TASOR2: variants seen among roughly 807,000 people sequenced by gnomAD.
TASOR2 encodes protein TASOR 2.
In TASOR2, 84 loss-of-function variants were observed where a neutral mutation model predicts 199.5. That is an observed-to-expected ratio of 0.42 (90% confidence interval 0.35 to 0.50). TASOR2 has a LOEUF of 0.50. Among genes scored for constraint, TASOR2 ranks in the 20% least tolerant of loss-of-function variants. The pLI is 0.02. For synonymous variants in TASOR2, 1,103 were observed against 1,046.6 expected, an observed-to-expected ratio of 1.05 and a Z score of -1.04; for missense variants, 2,796 against 2,835.9, an observed-to-expected ratio of 0.99 and a Z score of 0.32.
chr10:5,750,920 A>G lies in TASOR2; in HGVS notation c.6606+893A>G, dbSNP rs889345454. Among the ~76,000 whole-genome samples, 2 of 152,222 alleles carry G rather than the reference A, an allele frequency of 1.3e-5. No individual in the cohort carries two copies. The highest frequency in any genetic ancestry group is 2.4e-5 in the African/African-American group (1 of 41,442). On this transcript the variant is annotated intron_variant, in intron 15 of 20. Transcript: ENST00000328090. The surrounding 1 kb of genome is among the most constrained non-coding windows in gnomAD (Gnocchi z 5.4). The stretch of plus-strand genomic sequence containing the variant: ...AATTGTCATGTCTTCAGTCTGCAAT[A>G]GTTCCTCTGTTATTCCTTGTCTTTT...
intron 12 of TASOR2, among the ~76,000 whole-genome samples, chr10:5,736,867 C>T (rs1295974495): frequency 6.6e-6 from 1 of 151,960 alleles, no homozygotes; most frequent in Admixed American, 6.6e-5. Flanking sequence ...AGTTTTCTGT[C>T]TGGTTTTCCT....
At chr10:5,688,119 C>T (rs1375398243) in intron 1 of TASOR2, among the ~76,000 whole-genome samples, 1 of 152,122 alleles carries the variant, frequency 6.6e-6, no homozygotes, top group African/African-American at 2.4e-5. Context: ...GAAAATCCAG[C>T]GTCATTCAGC....
At position 5,706,322 on chromosome 10, in the gene TASOR2, T is replaced by C. The variant is rs1240393333; in HGVS notation, c.-287-6501T>C. Among the ~76,000 whole-genome samples the C allele has an allele frequency of 1.3e-5, 2 of 152,212 alleles. No individual in the cohort carries two copies. The highest frequency in any genetic ancestry group is 2.9e-5 in the Non-Finnish European group (2 of 68,042). ...TTCAAAATTGTTTTGGCTTATATCT[T>C]TCTTATATAAATTTTAGAATCAGAT... On this transcript the variant is annotated intron_variant, in intron 1 of 20. Transcript: ENST00000328090. This position sits in a 1 kb window ranked among gnomAD's most constrained non-coding sequence, Gnocchi z 4.8.
At position 5,728,990 on chromosome 10, in the gene TASOR2, TA is replaced by T. The variant is rs1286624021; in HGVS notation, c.488-1493del. Reference sequence around the variant, plus strand: ...AAAAGATTTTAACAAAGCGCAAGTTTAAAATTCTCACATAAATATGATATGA... The same window carrying T: ...AAAAGATTTTAACAAAGCGCAAGTTTAAATTCTCACATAAATATGATATGA... On this transcript the variant is annotated intron_variant, in intron 10 of 20. Transcript: ENST00000328090. Among the ~76,000 whole-genome samples the T allele has an allele frequency of 1.1e-4, 16 of 152,348 alleles. No individual in the cohort carries two copies. The East Asian group carries it at 3.1e-3, about 29-fold the overall frequency.
At position 5,751,398 on chromosome 10, in the gene TASOR2, C is replaced by T. The variant is rs1564361538; in HGVS notation, c.6606+1371C>T. Among the ~76,000 whole-genome samples the T allele has an allele frequency of 6.6e-6, 1 of 152,178 alleles. No homozygotes were observed. Among genetic ancestry groups the T allele is most frequent in the African/African-American group, 2.4e-5 (1 of 41,448 alleles). ...GTATTCGGCTGTAGAATAGAGCTTT[C>T]CCTTATTTTCCATTCATCTATTCAT... is the stretch of plus-strand genomic sequence containing the variant. On this transcript the variant is annotated intron_variant, in intron 15 of 20. Transcript: ENST00000328090. The surrounding 1 kb of genome is among the most constrained non-coding windows in gnomAD (Gnocchi z 5.3).
At chr10:5,746,735 A>G (rs367756070) in exon 15 of TASOR2, 36 of 1,613,992 alleles carry the variant, frequency 2.2e-5, no homozygotes, top group Middle Eastern at 1.6e-4. Flanking sequence ...GCACGAACAC[A>G]AGGCCTGAGG....
chr10:5,696,610 T>C (rs1432183715), intron 1 of TASOR2, among the ~76,000 whole-genome samples: 3 of 152,182 alleles, frequency 2.0e-5, no homozygotes, highest in Non-Finnish European at 4.4e-5. Context: ...TGCCTTGGCT[T>C]CCCAAAGTAC....
In TASOR2 at chr10:5,723,346, G is replaced by A. The variant is rs769453881; in HGVS notation, c.147-331G>A. The stretch of plus-strand genomic sequence containing the variant: ...GCTGGGATTACAGGCGTGAGCCACC[G>A]TGCCTGGCAAATAACTCATAAATAG... On this transcript the variant is annotated intron_variant, in intron 6 of 20. Coordinates refer to ENST00000328090, the Ensembl canonical transcript of TASOR2. Among the ~76,000 whole-genome samples, 84 of 151,926 alleles carry A rather than the reference G, an allele frequency of 5.5e-4. 1 individual carries two copies. Among genetic ancestry groups the A allele is most frequent in the Admixed American group, 1.6e-3 (25 of 15,260 alleles).
Position 5,740,105 on chromosome 10 carries a change from C to T in TASOR2, c.1935C>T (p.Ser645=). Residue 645 remains serine, a synonymous_variant, in exon 13 of 21, where the codon AGC becomes AGT. Coordinates refer to ENST00000328090, the Ensembl canonical transcript of TASOR2. This position sits in a 1 kb window ranked among gnomAD's most constrained non-coding sequence, Gnocchi z 5.3. ...AAATGCTAGAATCTTCAGATGCAAG[C>T]CAAAGCTCTTCTGTTTCTGTGGAAC... 1 of 1,614,102 alleles carries T rather than the reference C, an allele frequency of 6.2e-7. No individual in the cohort carries two copies. The highest frequency in any genetic ancestry group is 1.1e-5 in the South Asian group (1 of 91,084).
chr10:5,686,716 A>C (rs531529113), intron 1 of TASOR2, among the ~76,000 whole-genome samples: 5 of 152,360 alleles, frequency 3.3e-5, no homozygotes, highest in Non-Finnish European at 7.3e-5. Flanking sequence ...CTAGTAATTG[A>C]AAGTAACATT....
intron 1 of TASOR2, among the ~76,000 whole-genome samples, chr10:5,691,458 G>C (rs879373164): frequency 1.3e-5 from 2 of 152,002 alleles, no homozygotes; most frequent in African/African-American, 2.4e-5. Context: ...TACTCAAGGG[G>C]TGTAATTCCA....
In TASOR2 at chr10:5,720,449, G is replaced by A. The variant is rs1278555463; in HGVS notation, c.-99-95G>A. ...CCCAAGATATATTTCTGACTCTAAT[G>A]TGTTAAATTTCAGGGCTCGGTGGGG... On this transcript the variant is annotated intron_variant, in intron 3 of 20. Transcript: ENST00000328090. The surrounding 1 kb of genome is among the most constrained non-coding windows in gnomAD (Gnocchi z 5.3). 1.4e-6 allele frequency: 2 copies of A among 1,424,602 alleles called. No homozygotes were observed. Among genetic ancestry groups the A allele is most frequent in the African/African-American group, 1.4e-5 (1 of 69,544 alleles). 88.2% of individuals were successfully genotyped at this position (1,424,602 alleles called of 1,614,324 possible). A position where few individuals can be genotyped will look rare whatever the true frequency, so the allele number is the denominator to read the frequency against.
In TASOR2 at chr10:5,699,288, C is replaced by T. The variant is rs908680265; in HGVS notation, c.-287-13535C>T. Among the ~76,000 whole-genome samples the T allele has an allele frequency of 6.6e-6, 1 of 151,918 alleles. No individual in the cohort carries two copies. On this transcript the variant is annotated intron_variant, in intron 1 of 20. Transcript: ENST00000328090. This position sits in a 1 kb window ranked among gnomAD's most constrained non-coding sequence, Gnocchi z 4.1. Reference sequence around the variant, plus strand: ...CTGGAATAGGCAAATCTGTAGAGACCGAAAGTAAATTATGGTTTCCTAGGC... The same window carrying T: ...CTGGAATAGGCAAATCTGTAGAGACTGAAAGTAAATTATGGTTTCCTAGGC...
At position 5,758,125 on chromosome 10, in the gene TASOR2, A is replaced by G. The variant is rs527325893; in HGVS notation, c.6886+452A>G. Among the ~76,000 whole-genome samples the G allele has an allele frequency of 1.2e-4, 18 of 152,276 alleles. No homozygotes were observed. The East Asian group carries it at 3.3e-3, about 28-fold the overall frequency. ...TATTTAATCATCTACTTGAAAACTCATACTTTACTTCTCTCAGGGCACTTT... is the reference window on the plus strand; with the variant it reads ...TATTTAATCATCTACTTGAAAACTCGTACTTTACTTCTCTCAGGGCACTTT... On this transcript the variant is annotated intron_variant, in intron 17 of 20. Coordinates refer to ENST00000328090, the Ensembl canonical transcript of TASOR2.
At chr10:5,703,363 T>G (rs879928934) in intron 1 of TASOR2, among the ~76,000 whole-genome samples, 3 of 152,140 alleles carry the variant, frequency 2.0e-5, no homozygotes, top group Non-Finnish European at 4.4e-5. Flanking sequence ...AGGCATAGGT[T>G]TTTTTAAATC....
chr10:5,758,847 A>C (rs977618436), intron 17 of TASOR2, 40 bp from the exon 19 acceptor site: 6 of 1,499,040 alleles, frequency 4.0e-6, no homozygotes, highest in Non-Finnish European at 5.6e-6. Context: ...AAAGTACCTT[A>C]AACTTGTCAT....
At chr10:5,749,251 C>T (rs1376225461) in exon 15 of TASOR2, 2 of 1,614,212 alleles carry the variant, frequency 1.2e-6, no homozygotes, top group Middle Eastern at 1.6e-4. Context: ...TTCACACGGC[C>T]TGAGGAGGCA....
rs182566793 is a variant in TASOR2 at position 5,745,676 on chromosome 10, A to G, written c.2758-503A>G. Among the ~76,000 whole-genome samples the G allele has an allele frequency of 2.4e-4, 37 of 152,152 alleles. 1 individual carries two copies. In the East Asian group the frequency reaches 6.9e-3, roughly 29 times the overall value. The stretch of plus-strand genomic sequence containing the variant: ...GTACCTGTAATCCCAGCTACTCGGG[A>G]GGCTGAGGCAGAGAGTCACTTAAAC... On this transcript the variant is annotated intron_variant, in intron 14 of 20. Transcript: ENST00000328090.
chr10:5,702,806 A>G (rs1838059249), intron 1 of TASOR2, among the ~76,000 whole-genome samples: 1 of 152,178 alleles, frequency 6.6e-6, no homozygotes, highest in African/African-American at 2.4e-5. Flanking sequence ...ACTTAAATCT[A>G]TTGAAAAGAC....
Sources: gnomAD v4.1 joint callset for allele counts (sites outside exome capture counted in the v4.1 genomes callset) on GRCh38, gnomAD v4.1.1 for gene constraint, Gnocchi (gnomAD v3.1) non-coding constraint, MANE v1.5 for transcripts, NCBI Gene and HGNC (gene_info 2026-07-23, HGNC 2026-07-21) for gene names.